MECOM: variants seen among roughly 807,000 people sequenced by gnomAD.
MECOM encodes the protein histone-lysine N-methyltransferase MECOM.
In MECOM, 13 loss-of-function variants were observed where a neutral mutation model predicts 116.3. The ratio of observed to expected loss-of-function variants is 0.11; its 90% CI spans 0.07 to 0.18. The LOEUF (loss-of-function observed/expected upper bound fraction) is 0.18. Among genes scored for constraint, MECOM ranks in the 10% least tolerant of loss-of-function variants. The probability of loss-of-function intolerance (pLI) is 1.00; values close to 1 mark genes in which losing one functional copy is unlikely to be tolerated. For missense variants in MECOM, 1,299 were observed against 1,509.0 expected (o/e 0.86, Z 2.31); for synonymous variants, 528 against 535.2 (o/e 0.99, Z 0.19).
intron 1 of MECOM, among the ~76,000 whole-genome samples, chr3:169,651,473 T>C (rs879011160): frequency 2.6e-5 from 4 of 152,190 alleles, no homozygotes; most frequent in African/African-American, 9.6e-5. Context: ...GTAGTTTTCT[T>C]TTTTGGTTAC....
chr3:169,658,262 A>G (rs1004610905), intron 1 of MECOM, among the ~76,000 whole-genome samples: 1 of 152,128 alleles, frequency 6.6e-6, no homozygotes, highest in Non-Finnish European at 1.5e-5. Context: ...GTTAACCGTC[A>G]CTCCAAAAAA....
intron 1 of MECOM, among the ~76,000 whole-genome samples, chr3:169,651,946 A>G (rs1267223687): frequency 1.3e-5 from 2 of 152,222 alleles, no homozygotes; most frequent in Non-Finnish European, 2.9e-5. Flanking sequence ...AATAACTTTC[A>G]TTTTTATTTT....
At chr3:169,156,727 G>T (rs918800357) in intron 2 of MECOM, among the ~76,000 whole-genome samples, 4 of 151,998 alleles carry the variant, frequency 2.6e-5, no homozygotes, top group East Asian at 3.9e-4. Context: ...CCAAAGCAGA[G>T]ATTTTTACCA....
At position 169,090,143 on chromosome 3, in the gene MECOM, C is replaced by T. The variant is rs147951169; in HGVS notation, c.3258G>A (p.Leu1086=). 6.2e-7 allele frequency: 1 copy of T among 1,613,348 alleles called. No individual in the cohort carries two copies. The highest frequency in any genetic ancestry group is 8.5e-7 in the Non-Finnish European group (1 of 1,179,548). Residue 1086 remains leucine, a synonymous_variant, in exon 15 of 17, where the codon TTG becomes TTA. Transcript: ENST00000651503. ...LDDEEVEDEV[L]LDEEDEDNDI... is the part of the protein sequence containing the mutation. The stretch of plus-strand genomic sequence containing the variant: ...CATTGTCTTCATCCTCCTCATCTAA[C>T]AACACCTCATCTTCAACTTCTTCAT...
chr3:169,287,325 T>C (rs536746992), intron 2 of MECOM, among the ~76,000 whole-genome samples: 3 of 152,314 alleles, frequency 2.0e-5, no homozygotes, highest in Admixed American at 6.5e-5. Flanking sequence ...AGCCAAGCTG[T>C]CCTGAGGCAA....
chr3:169,587,558 T>C (rs1765917237), intron 1 of MECOM, among the ~76,000 whole-genome samples: 1 of 151,722 alleles, frequency 6.6e-6, no homozygotes, highest in Non-Finnish European at 1.5e-5. Flanking sequence ...ATTTGACACC[T>C]TGTAGAAAAA....
intron 1 of MECOM, among the ~76,000 whole-genome samples, chr3:169,636,796 T>TC (rs1772824626): frequency 6.6e-6 from 1 of 152,164 alleles, no homozygotes. Flanking sequence ...GAAAGGCATT[T>TC]CCCCACTCCC....
At chr3:169,124,568 AT>A (rs1732182753) in intron 5 of MECOM, among the ~76,000 whole-genome samples, 4 of 152,084 alleles carry the variant, frequency 2.6e-5, no homozygotes, top group Admixed American at 1.3e-4. Context: ...TTAAGAAATT[AT>A]TTTTAATGTG....
At chr3:169,451,352 T>C (rs1265372661) in intron 1 of MECOM, among the ~76,000 whole-genome samples, 1 of 152,116 alleles carries the variant, frequency 6.6e-6, no homozygotes, top group African/African-American at 2.4e-5. Context: ...TAAAAAGAAC[T>C]CTACTTGTAA....
chr3:169,334,903 T>C (rs1723344415), intron 2 of MECOM, among the ~76,000 whole-genome samples: 1 of 152,154 alleles, frequency 6.6e-6, no homozygotes, highest in Admixed American at 6.6e-5. Context: ...TTTAATTACA[T>C]AGTTACCTAT....
At chr3:169,400,889 A>G (rs1735783634) in intron 1 of MECOM, among the ~76,000 whole-genome samples, 1 of 152,214 alleles carries the variant, frequency 6.6e-6, no homozygotes, top group Admixed American at 6.5e-5. Context: ...AGAAGCAAAC[A>G]AGGCTCATTG....
intron 1 of MECOM, among the ~76,000 whole-genome samples, chr3:169,648,487 C>T (rs1251060221): frequency 6.6e-6 from 1 of 152,196 alleles, no homozygotes; most frequent in Non-Finnish European, 1.5e-5. Context: ...TTTAATACTG[C>T]ATCATTATCA....
intron 2 of MECOM, among the ~76,000 whole-genome samples, chr3:169,379,788 T>C (rs1732095214): frequency 6.6e-6 from 1 of 152,164 alleles, no homozygotes; most frequent in South Asian, 2.1e-4. Context: ...TATTAGAATG[T>C]TTATAGCCAT....
intron 1 of MECOM, among the ~76,000 whole-genome samples, chr3:169,632,124 G>A (rs970060906): frequency 6.6e-6 from 1 of 152,012 alleles, no homozygotes; most frequent in African/African-American, 2.4e-5. Context: ...GCAAGGAAAG[G>A]CCATTAGCTA....
At chr3:169,166,468 C>A (rs1743605941) in intron 2 of MECOM, among the ~76,000 whole-genome samples, 1 of 152,106 alleles carries the variant, frequency 6.6e-6, no homozygotes, top group Non-Finnish European at 1.5e-5. Context: ...ATTTTCAAAT[C>A]CTTCCCAGGT....
chr3:169,641,847 C>T (rs1296419435), intron 1 of MECOM, among the ~76,000 whole-genome samples: 1 of 152,060 alleles, frequency 6.6e-6, no homozygotes, highest in Non-Finnish European at 1.5e-5. Flanking sequence ...ATTCATAAAT[C>T]AGAGAGAACA....
chr3:169,431,494 T>C (rs1034413949), intron 1 of MECOM, among the ~76,000 whole-genome samples: 5 of 152,020 alleles, frequency 3.3e-5, no homozygotes, highest in Admixed American at 6.6e-5. Flanking sequence ...GAAATAAAGG[T>C]CCCTTGACCT....
intron 2 of MECOM, among the ~76,000 whole-genome samples, chr3:169,323,026 A>T (rs1179969221): frequency 2.0e-5 from 3 of 147,366 alleles, no homozygotes; most frequent in Non-Finnish European, 3.0e-5. Flanking sequence ...AAAAAAAAAA[A>T]GCAGCAGCAA....
intron 1 of MECOM, among the ~76,000 whole-genome samples, chr3:169,416,790 AG>A (rs1738690592): frequency 6.6e-6 from 1 of 152,026 alleles, no homozygotes; most frequent in Non-Finnish European, 1.5e-5. Context: ...AGAAGCCCTC[AG>A]AAATAACGCC....
Sources: allele counts gnomAD v4.1 joint callset (sites outside exome capture counted in the v4.1 genomes callset), GRCh38; gene constraint gnomAD v4.1.1; transcripts MANE v1.5; gene names NCBI Gene and HGNC (gene_info 2026-07-23, HGNC 2026-07-21).